The following ABAT variants were observed in gnomAD, a reference collection of about 807,000 sequenced individuals.
The protein encoded by ABAT is 4-aminobutyrate aminotransferase, mitochondrial.
A neutral mutation model predicts 64.6 loss-of-function variants in ABAT; 45 were observed. That is an observed-to-expected ratio of 0.70 (90% confidence interval 0.55 to 0.89). The LOEUF (loss-of-function observed/expected upper bound fraction) is 0.89, where lower values mean the gene tolerates loss of function less well. ABAT is among the 40% of genes least tolerant of loss of function. The pLI is 0.00. For synonymous variants in ABAT, 297 were observed against 250.5 expected (o/e 1.19, Z -1.75); for missense variants, 633 against 658.4 (o/e 0.96, Z 0.42).
At chr16:8,676,618 G>T (rs1161698230) in intron 1 of ABAT, among the ~76,000 whole-genome samples, 1 of 152,180 alleles carries the variant, frequency 6.6e-6, no homozygotes, top group Non-Finnish European at 1.5e-5. Flanking sequence ...CCAAATCTAG[G>T]CTTGCCAAAA....
At chr16:8,701,084 C>T (rs947214572) in intron 1 of ABAT, among the ~76,000 whole-genome samples, 1 of 152,226 alleles carries the variant, frequency 6.6e-6, no homozygotes, top group East Asian at 1.9e-4. Flanking sequence ...ACTACAGGCA[C>T]ACACCACCAC....
intron 1 of ABAT, among the ~76,000 whole-genome samples, chr16:8,687,894 G>C (rs1471922047): frequency 6.7e-6 from 1 of 150,170 alleles, no homozygotes; most frequent in African/African-American, 2.5e-5. Flanking sequence ...GATAAGAGTT[G>C]AATGCTCTTT....
At chr16:8,685,654 C>A (rs2057437984) in intron 1 of ABAT, among the ~76,000 whole-genome samples, 1 of 151,990 alleles carries the variant, frequency 6.6e-6, no homozygotes, top group African/African-American at 2.4e-5. Context: ...CCAGCCTGGG[C>A]AACAGAGCAA....
rs552603796 is a variant in ABAT at position 8,685,485 on chromosome 16, C to T, written c.-42+10774C>T. ...AGGAGTTCGCGACCAACTTGGGCAACACAGCGAAACCCTGTCTCTGCTAAA... is the reference window on the plus strand; with the variant it reads ...AGGAGTTCGCGACCAACTTGGGCAATACAGCGAAACCCTGTCTCTGCTAAA... On this transcript the variant is annotated intron_variant, in intron 1 of 15. Coordinates refer to ENST00000268251, the MANE Select transcript of ABAT (RefSeq NM_020686.6). Among the ~76,000 whole-genome samples, 568 of 151,850 alleles carry T rather than the reference C, an allele frequency of 3.7e-3. 2 individuals carry two copies. Among genetic ancestry groups the T allele is most frequent in the Non-Finnish European group, 5.2e-3 (351 of 67,956 alleles).
chr16:8,738,447 C>A (rs2059048199), intron 2 of ABAT: 2 of 455,884 alleles, frequency 4.4e-6, no homozygotes, highest in Non-Finnish European at 8.8e-6. Context: ...CTCCAGGATC[C>A]AATCCAGGTA....
intron 2 of ABAT, among the ~76,000 whole-genome samples, chr16:8,738,112 G>C (rs767309026): frequency 6.6e-6 from 1 of 151,576 alleles, no homozygotes; most frequent in Middle Eastern, 3.2e-3. Flanking sequence ...CTTGAGCCCA[G>C]GGGTTTGAGA....
At chr16:8,725,441 G>A (rs1053097401) in intron 1 of ABAT, among the ~76,000 whole-genome samples, 1 of 152,090 alleles carries the variant, frequency 6.6e-6, no homozygotes, top group Non-Finnish European at 1.5e-5. Flanking sequence ...TACTCTTGAA[G>A]GTTCCTATAA....
intron 1 of ABAT, among the ~76,000 whole-genome samples, chr16:8,726,262 C>CT (rs71152921): frequency 0.09 from 10,793 of 120,524 alleles, 960 homozygotes; most frequent in African/African-American, 0.16. Context: ...ATGACTAGAT[C>CT]TTTTTTTTTT....
intron 1 of ABAT, among the ~76,000 whole-genome samples, chr16:8,717,079 C>T (rs1472267977): frequency 6.6e-6 from 1 of 152,156 alleles, no homozygotes; most frequent in Non-Finnish European, 1.5e-5. Flanking sequence ...CACTTGAGGT[C>T]AGGAGTTTGA....
intron 1 of ABAT, among the ~76,000 whole-genome samples, chr16:8,703,670 T>G (rs990696226): frequency 6.6e-6 from 1 of 152,194 alleles, no homozygotes; most frequent in South Asian, 2.1e-4. Context: ...GTCCGTTCTC[T>G]AAAAACTGAA....
intron 1 of ABAT, among the ~76,000 whole-genome samples, chr16:8,714,223 C>G (rs1438572331): frequency 6.6e-6 from 1 of 152,186 alleles, no homozygotes; most frequent in African/African-American, 2.4e-5. Context: ...GCATCTGGTC[C>G]TAGGAAATGA....
chr16:8,713,989 CG>C, intron 1 of ABAT: 6 of 441,266 alleles, frequency 1.4e-5, no homozygotes, highest in Non-Finnish European at 2.3e-5. Flanking sequence ...GTGTGCAGGT[CG>C]GGGGGGCACA....
rs1476059252 is a variant in ABAT, at chr16:8,781,613, A to G, written c.*183A>G. 6 of 751,766 alleles carry G rather than the reference A, an allele frequency of 8.0e-6. No individual in the cohort carries two copies. Among genetic ancestry groups the G allele is most frequent in the African/African-American group, 7.0e-5 (4 of 57,500 alleles). 46.6% of individuals were successfully genotyped at this position (751,766 alleles called of 1,614,324 possible). On this transcript the variant is annotated 3_prime_UTR_variant, in exon 16 of 16. Transcript: ENST00000268251. This position sits in a 1 kb window ranked among gnomAD's most constrained non-coding sequence, Gnocchi z 4.5. ...GGAGGGGAGGGAAGGGCTGGTGTTG[A>G]TTTTCCTCCCTGCAGAGCCAATGGT...
chr16:8,758,152 T>C (rs1474322443), intron 6 of ABAT, among the ~76,000 whole-genome samples: 1 of 152,252 alleles, frequency 6.6e-6, no homozygotes, highest in Admixed American at 6.5e-5. Context: ...CAGCACTTTA[T>C]AGCGACAATA....
chr16:8,703,161 T>G (rs2057863383), intron 1 of ABAT, among the ~76,000 whole-genome samples: 1 of 152,030 alleles, frequency 6.6e-6, no homozygotes, highest in African/African-American at 2.4e-5. Flanking sequence ...TTACTGCTGT[T>G]AAGGGCCGGG....
In ABAT at chr16:8,764,605, C is replaced by A; in HGVS notation, c.448-133C>A. The A allele has an allele frequency of 1.1e-6, 1 of 885,880 alleles. No homozygotes were observed. The highest frequency in any genetic ancestry group is 1.8e-6 in the Non-Finnish European group (1 of 545,778). The allele number at this position is 885,880 out of a possible 1,614,324, so 54.9% of individuals were successfully genotyped here. A position where few individuals can be genotyped will look rare whatever the true frequency, so the allele number is the denominator to read the frequency against. ...AAAGCCTGAGCCCACCCTCCCAGTC[C>A]GACACCTTCCAGGACAGCCCTGGTT... On this transcript the variant is annotated intron_variant, in intron 7 of 15. Coordinates refer to ENST00000268251, the MANE Select transcript of ABAT (RefSeq NM_020686.6). The surrounding 1 kb of genome is among the most constrained non-coding windows in gnomAD (Gnocchi z 4.2).
intron 1 of ABAT, among the ~76,000 whole-genome samples, chr16:8,732,353 G>C (rs1451119061): frequency 6.6e-6 from 1 of 150,698 alleles, no homozygotes; most frequent in African/African-American, 2.5e-5. Context: ...GTTTTCCTAG[G>C]CAGAGGACCC....
At chr16:8,690,835 G>T (rs1167783951) in intron 1 of ABAT, among the ~76,000 whole-genome samples, 1 of 152,188 alleles carries the variant, frequency 6.6e-6, no homozygotes. Context: ...CTTGTTCCAG[G>T]ACAGGAGAGC....
intron 14 of ABAT, among the ~76,000 whole-genome samples, chr16:8,777,986 A>G (rs2060315882): frequency 6.6e-6 from 1 of 152,148 alleles, no homozygotes. Flanking sequence ...TAAGTGTCTA[A>G]CACGGTGCCC....
Sources: allele counts gnomAD v4.1 joint callset (sites outside exome capture counted in the v4.1 genomes callset), GRCh38; gene constraint gnomAD v4.1.1; non-coding constraint Gnocchi (gnomAD v3.1); transcripts MANE v1.5; gene names NCBI Gene and HGNC (gene_info 2026-07-23, HGNC 2026-07-21).